The following PPP1R7 variants were observed in gnomAD, a reference collection of about 807,000 sequenced individuals.
The protein encoded by PPP1R7 is protein phosphatase 1 regulatory subunit 7, also known as protein phosphatase 1 regulatory subunit 22.
In PPP1R7, 18 loss-of-function variants were observed where a neutral mutation model predicts 45.2. The ratio of observed to expected loss-of-function variants is 0.40; its 90% CI spans 0.28 to 0.59. PPP1R7 has a LOEUF of 0.59. Ranked by LOEUF, PPP1R7 falls within the 20% of genes least tolerant of loss-of-function variation. The probability of loss-of-function intolerance (pLI) is 0.46; values close to 1 mark genes in which losing one functional copy is unlikely to be tolerated. For missense variants in PPP1R7, 314 were observed against 455.8 expected (o/e 0.69, Z 2.83); for synonymous variants, 181 against 183.4 (o/e 0.99, Z 0.11).
chr2:241,181,169 G>C (rs1003084767), intron 9 of PPP1R7, among the ~76,000 whole-genome samples: 2 of 152,138 alleles, frequency 1.3e-5, no homozygotes, highest in Admixed American at 6.5e-5. Flanking sequence ...TTGCACTCCA[G>C]CCTGGGCGAC....
At chr2:241,149,686 C>T (rs1171015372), upstream of PPP1R7, 3 of 1,549,714 alleles carry the variant, frequency 1.9e-6, no homozygotes, top group South Asian at 3.6e-5. Context: ...ATGCGGTTTC[C>T]TCCCGACTCG....
intron 4 of PPP1R7, 88 bp from the exon 5 acceptor site, chr2:241,159,125 G>C (rs768939721): frequency 6.8e-4 from 985 of 1,451,248 alleles, no homozygotes; most frequent in Non-Finnish European, 8.5e-4. Context: ...CTACCAGAAA[G>C]GCCTTTCTTG....
intron 1 of PPP1R7, among the ~76,000 whole-genome samples, chr2:241,151,193 CAT>C (rs1362969436): frequency 1.3e-5 from 2 of 152,206 alleles, no homozygotes; most frequent in Non-Finnish European, 2.9e-5. Flanking sequence ...TAGGTACAGT[CAT>C]ATACGTGCAC....
intron 9 of PPP1R7, 39 bp from the exon 10 acceptor site, chr2:241,182,608 G>C (rs1378819803): frequency 6.2e-7 from 1 of 1,609,122 alleles, no homozygotes; most frequent in East Asian, 2.2e-5. Context: ...GGGCTGGGCT[G>C]TTTGGTTCTA....
chr2:241,160,645 T>A lies in PPP1R7; in HGVS notation c.597+151T>A, dbSNP rs963056220. ...ATGAACAAGGAAATTACTATTTTTT[T>A]AAGAAAAAATGCTAACTGAAAGTCA... On this transcript the variant is annotated intron_variant, in intron 6 of 9. Coordinates refer to ENST00000234038, the MANE Select transcript of PPP1R7 (RefSeq NM_002712.3). 13 of 773,540 alleles carry A rather than the reference T, an allele frequency of 1.7e-5. No homozygotes were observed. In the Admixed American group the frequency reaches 4.9e-4, roughly 29 times the overall value. 47.9% of individuals were successfully genotyped at this position (773,540 alleles called of 1,614,324 possible).
chr2:241,176,677 T>C (rs1017563599), intron 9 of PPP1R7, among the ~76,000 whole-genome samples: 1 of 152,110 alleles, frequency 6.6e-6, no homozygotes, highest in African/African-American at 2.4e-5. Context: ...GCCAGGCTGG[T>C]CTTGAACTCC....
intron 9 of PPP1R7, among the ~76,000 whole-genome samples, chr2:241,179,382 C>T (rs556842828): frequency 6.6e-6 from 1 of 152,272 alleles, no homozygotes; most frequent in African/African-American, 2.4e-5. Context: ...GCTGTGTCCC[C>T]AGTGTGAGTC....
intron 6 of PPP1R7, among the ~76,000 whole-genome samples, chr2:241,162,381 C>T (rs914259561): frequency 6.6e-6 from 1 of 152,160 alleles, no homozygotes; most frequent in Non-Finnish European, 1.5e-5. Context: ...AGTGAACTGA[C>T]AGAGGAGGGA....
intron 7 of PPP1R7, among the ~76,000 whole-genome samples, chr2:241,165,089 A>G (rs1205606847): frequency 6.6e-6 from 1 of 152,224 alleles, no homozygotes; most frequent in Non-Finnish European, 1.5e-5. Flanking sequence ...TTACTTTAAA[A>G]TATTCAGTAA....
intron 8 of PPP1R7, among the ~76,000 whole-genome samples, chr2:241,168,683 A>G (rs2067763020): frequency 6.6e-6 from 1 of 151,986 alleles, no homozygotes; most frequent in Admixed American, 6.6e-5. Context: ...CCTGCTGGAG[A>G]GTGGCGTCAG....
intron 1 of PPP1R7, 85 bp downstream of exon 1, chr2:241,150,632 C>G: frequency 7.2e-7 from 1 of 1,396,146 alleles, no homozygotes; most frequent in Non-Finnish European, 9.4e-7. Context: ...CTGAGAGAAA[C>G]TCCACGTCCT....
In PPP1R7 at chr2:241,156,474, C is replaced by T. The variant is rs532810860; in HGVS notation, c.182-1333C>T. Among the ~76,000 whole-genome samples the T allele has an allele frequency of 8.4e-4, 128 of 152,244 alleles. 1 individual carries two copies. Among genetic ancestry groups the T allele is most frequent in the African/African-American group, 2.9e-3 (122 of 41,542 alleles). ...TCACTTGAGGCTAGGAGTTCCAGAC[C>T]AGCCTGGGCAACATAGCGAGACCCT... On this transcript the variant is annotated intron_variant, in intron 2 of 9. Transcript: ENST00000234038.
rs111295783 is a variant in PPP1R7 at position 241,151,331 on chromosome 2, G to A, written c.52+784G>A. 1,481 of 411,554 alleles carry A rather than the reference G, an allele frequency of 3.6e-3. 18 individuals are homozygous for A. The highest frequency in any genetic ancestry group is 0.026 in the African/African-American group (1,274 of 48,818). 25.5% of individuals were successfully genotyped at this position (411,554 alleles called of 1,614,324 possible). A position where few individuals can be genotyped will look rare whatever the true frequency, so the allele number is the denominator to read the frequency against. ...GGGGTACAGACCTCCCAGAAGAGCA[G>A]TCACTGCCTTATGTGAAAGGGGTAG... is the stretch of plus-strand genomic sequence containing the variant. On this transcript the variant is annotated intron_variant, in intron 1 of 9. Coordinates refer to ENST00000234038, the MANE Select transcript of PPP1R7 (RefSeq NM_002712.3).
At chr2:241,156,968 G>A (rs1046229352) in intron 2 of PPP1R7, among the ~76,000 whole-genome samples, 1 of 152,072 alleles carries the variant, frequency 6.6e-6, no homozygotes, top group Non-Finnish European at 1.5e-5. Context: ...TTGTGCATGC[G>A]TGTGTGTGTG....
chr2:241,150,253 T>C, upstream of PPP1R7: 9 of 1,291,406 alleles, frequency 7.0e-6, no homozygotes, highest in South Asian at 2.1e-4. Flanking sequence ...CTGCTTTCCT[T>C]CCCAGCTTCT....
At chr2:241,160,517 A>G (rs768073145) in intron 6 of PPP1R7, 23 bp downstream of exon 6, 5 of 1,555,022 alleles carry the variant, frequency 3.2e-6, no homozygotes, top group Middle Eastern at 1.7e-4. Flanking sequence ...AGCCCTGACT[A>G]GTATATTCAG....
intron 9 of PPP1R7, among the ~76,000 whole-genome samples, chr2:241,178,838 C>T (rs574142949): frequency 1.4e-4 from 21 of 147,512 alleles, no homozygotes; most frequent in African/African-American, 4.8e-4. Context: ...CTTGATGGGC[C>T]GTGCCTGTGT....
chr2:241,153,691 G>A, intron 2 of PPP1R7, 87 bp downstream of exon 2: 1 of 1,526,620 alleles, frequency 6.6e-7, no homozygotes, highest in Non-Finnish European at 8.9e-7. Flanking sequence ...TGTGGGTGCT[G>A]TGTCGGTCTG....
chr2:241,150,592 G>A (rs2125472289), intron 1 of PPP1R7, 45 bp downstream of exon 1: 1 of 1,559,238 alleles, frequency 6.4e-7, no homozygotes, highest in Non-Finnish European at 8.6e-7. Flanking sequence ...CAGCGGGCGG[G>A]GGGAGCTGCG....
Sources: allele counts gnomAD v4.1 joint callset (sites outside exome capture counted in the v4.1 genomes callset), GRCh38; gene constraint gnomAD v4.1.1; transcripts MANE v1.5; gene names NCBI Gene and HGNC (gene_info 2026-07-23, HGNC 2026-07-21).